KHDRBS2: variants seen among roughly 807,000 people sequenced by gnomAD.
KHDRBS2 encodes the protein KH RNA binding domain containing, signal transduction associated 2.
A neutral mutation model predicts 44.3 loss-of-function variants in KHDRBS2; 26 were observed. The observed-to-expected ratio is 0.59, with a 90% CI of 0.43 to 0.81. KHDRBS2 has a LOEUF of 0.81. Ranked by LOEUF, KHDRBS2 falls within the 40% of genes least tolerant of loss-of-function variation. The probability of loss-of-function intolerance (pLI) is 0.00; values close to 1 mark genes in which losing one functional copy is unlikely to be tolerated. For synonymous variants in KHDRBS2, 194 were observed against 151.1 expected (o/e 1.28, Z -2.08); for missense variants, 476 against 433.1 (o/e 1.10, Z -0.88).
the KHDRBS2 span, among the ~76,000 whole-genome samples, chr6:61,561,727 AC>A: frequency 6.6e-6 from 1 of 152,158 alleles, no homozygotes; most frequent in African/African-American, 2.4e-5. Flanking sequence ...CAGACTTGGT[AC>A]TTACCCCTCA....
chr6:62,115,405 T>C (rs928406784), intron 2 of KHDRBS2, among the ~76,000 whole-genome samples: 1 of 152,092 alleles, frequency 6.6e-6, no homozygotes, highest in African/African-American at 2.4e-5. Context: ...CAGAAAAAAA[T>C]ATTTATTGAC....
intron 2 of KHDRBS2, among the ~76,000 whole-genome samples, chr6:62,176,139 C>G (rs1447368207): frequency 6.6e-6 from 1 of 151,332 alleles, no homozygotes; most frequent in Non-Finnish European, 1.5e-5. Context: ...GCAAATTTTT[C>G]ATGTACATTT....
At chr6:61,629,925 A>C in the KHDRBS2 span, among the ~76,000 whole-genome samples, 1 of 152,224 alleles carries the variant, frequency 6.6e-6, no homozygotes, top group Non-Finnish European at 1.5e-5. Flanking sequence ...TGCTTTGTCA[A>C]ATATAATCTT....
chr6:61,916,965 ATT>A (rs10700035), intron 4 of KHDRBS2, among the ~76,000 whole-genome samples: 9 of 90,630 alleles, frequency 9.9e-5, no homozygotes, highest in South Asian at 4.4e-4. Flanking sequence ...GGAACTCTGT[ATT>A]TTTTTTTTTT....
the KHDRBS2 span, among the ~76,000 whole-genome samples, chr6:61,585,611 C>T: frequency 1.3e-4 from 20 of 152,202 alleles, no homozygotes; most frequent in South Asian, 4.1e-3. Flanking sequence ...TGTGAGGACT[C>T]TGAAGCATTA....
At chr6:62,049,965 A>C (rs1332191724) in intron 2 of KHDRBS2, among the ~76,000 whole-genome samples, 2 of 152,116 alleles carry the variant, frequency 1.3e-5, no homozygotes, top group Non-Finnish European at 2.9e-5. Context: ...TCTACAAAGC[A>C]TTCTACTATA....
chr6:61,602,915 T>C, the KHDRBS2 span, among the ~76,000 whole-genome samples: 1 of 152,152 alleles, frequency 6.6e-6, no homozygotes, highest in Admixed American at 6.5e-5. Flanking sequence ...TCCTAGGCTA[T>C]AGCCACACGT....
intron 3 of KHDRBS2, among the ~76,000 whole-genome samples, chr6:61,993,807 C>T (rs1776646096): frequency 6.6e-6 from 1 of 151,600 alleles, no homozygotes; most frequent in Middle Eastern, 3.4e-3. Flanking sequence ...GATTTTCTCA[C>T]CTATGAAGTT....
chr6:61,785,824 G>A (rs368971461), intron 6 of KHDRBS2, among the ~76,000 whole-genome samples: 360 of 152,104 alleles, frequency 2.4e-3, no homozygotes, highest in African/African-American at 8.2e-3. Flanking sequence ...TTTTGCTTAC[G>A]TAATAATAGC....
intron 6 of KHDRBS2, among the ~76,000 whole-genome samples, chr6:61,849,368 T>G (rs1326298354): frequency 6.6e-6 from 1 of 152,104 alleles, no homozygotes; most frequent in Non-Finnish European, 1.5e-5. Context: ...CACACAAATA[T>G]TTTCCTTATT....
At chr6:61,769,624 G>GC in intron 6 of KHDRBS2, among the ~76,000 whole-genome samples, 1 of 126,728 alleles carries the variant, frequency 7.9e-6, no homozygotes, top group East Asian at 2.3e-4. Context: ...CGGCAGCGAG[G>GC]CTGGGGGGGC....
At chr6:61,616,712 G>A in the KHDRBS2 span, among the ~76,000 whole-genome samples, 2 of 151,882 alleles carry the variant, frequency 1.3e-5, no homozygotes, top group African/African-American at 4.8e-5. Context: ...CTTTTGAGAG[G>A]TGTATTAATG....
intron 6 of KHDRBS2, among the ~76,000 whole-genome samples, chr6:61,820,801 A>C (rs1037897937): frequency 6.6e-6 from 1 of 152,064 alleles, no homozygotes; most frequent in Non-Finnish European, 1.5e-5. Context: ...ACATTTAGTC[A>C]AACTATTTAT....
chr6:62,027,362 A>G (rs72884480), intron 3 of KHDRBS2, among the ~76,000 whole-genome samples: 31,388 of 152,124 alleles, frequency 0.21, 3,813 homozygotes, highest in Admixed American at 0.32. Context: ...TAAGAAATAT[A>G]TATTTGATCT....
chr6:62,160,614 A>G lies in KHDRBS2; in HGVS notation c.219+16571T>C, dbSNP rs1454574382. Among the ~76,000 whole-genome samples, 6 of 152,100 alleles carry G rather than the reference A, an allele frequency of 3.9e-5. 1 individual carries two copies. Among genetic ancestry groups the G allele is most frequent in the African/African-American group, 1.4e-4 (6 of 41,406 alleles). On this transcript the variant is annotated intron_variant, in intron 2 of 8. Coordinates refer to ENST00000281156, the MANE Select transcript of KHDRBS2 (RefSeq NM_152688.4). Reference sequence around the variant, plus strand: ...ATGGCCTATATGTTTAAAGATGACCACGGCTACTCTGTTAAGGATTGTAAA... The same window carrying G: ...ATGGCCTATATGTTTAAAGATGACCGCGGCTACTCTGTTAAGGATTGTAAA...
At chr6:62,167,836 T>G (rs1479233943) in intron 2 of KHDRBS2, among the ~76,000 whole-genome samples, 2 of 152,204 alleles carry the variant, frequency 1.3e-5, no homozygotes, top group Non-Finnish European at 2.9e-5. Context: ...TATTTGGCTT[T>G]GAGTCGTAGT....
chr6:61,888,785 T>C (rs1801362629), intron 6 of KHDRBS2, among the ~76,000 whole-genome samples: 1 of 151,996 alleles, frequency 6.6e-6, no homozygotes, highest in East Asian at 2.0e-4. Context: ...ATGGTCTCAA[T>C]CTCCTGACTT....
At chr6:61,762,321 G>T (rs1315410004) in intron 6 of KHDRBS2, among the ~76,000 whole-genome samples, 2 of 152,152 alleles carry the variant, frequency 1.3e-5, no homozygotes, top group Admixed American at 1.3e-4. Context: ...ATCCCAAACA[G>T]AACAGGGATG....
At chr6:62,100,643 G>A (rs1801652713) in intron 2 of KHDRBS2, among the ~76,000 whole-genome samples, 1 of 152,148 alleles carries the variant, frequency 6.6e-6, no homozygotes, top group Non-Finnish European at 1.5e-5. Context: ...CCAGCAAAAA[G>A]ACTGACTCAC....
Sources: allele counts gnomAD v4.1 joint callset (sites outside exome capture counted in the v4.1 genomes callset), GRCh38; gene constraint gnomAD v4.1.1; transcripts MANE v1.5; gene names NCBI Gene and HGNC (gene_info 2026-07-23, HGNC 2026-07-21).